CWF19L1: variants seen among roughly 807,000 people sequenced by gnomAD.
CWF19L1 encodes the protein CWF19-like protein 1.
Under a neutral mutation model 69.7 loss-of-function variants are expected in CWF19L1, and 60 were observed. The observed-to-expected ratio is 0.86, with a 90% CI of 0.70 to 1.07. CWF19L1 has a LOEUF of 1.07. Among genes scored for constraint, CWF19L1 ranks in the 50% least tolerant of loss-of-function variants. The pLI, the probability that CWF19L1 is intolerant of heterozygous loss-of-function variation, is 0.00. For synonymous variants in CWF19L1, 209 were observed against 222.2 expected (o/e 0.94, Z 0.53); for missense variants, 591 against 638.9 (o/e 0.92, Z 0.81).
At chr10:100,245,686 T>C in intron 9 of CWF19L1, 113 bp downstream of exon 9, 1 of 753,914 alleles carries the variant, frequency 1.3e-6, no homozygotes, top group South Asian at 1.7e-5. Flanking sequence ...TAATGACTCA[T>C]TGCACAATTC....
At chr10:100,258,212 T>A (rs1199197441) in intron 4 of CWF19L1, among the ~76,000 whole-genome samples, 1 of 152,212 alleles carries the variant, frequency 6.6e-6, no homozygotes, top group Non-Finnish European at 1.5e-5. Flanking sequence ...CAATTCAGTC[T>A]GGGCAACAAG....
chr10:100,236,104 T>A, intron 12 of CWF19L1, among the ~76,000 whole-genome samples: 1 of 145,558 alleles, frequency 6.9e-6, no homozygotes, highest in East Asian at 1.9e-4. Flanking sequence ...ACTGCCTCTT[T>A]TTTTTTTTTT....
intron 13 of CWF19L1, among the ~76,000 whole-genome samples, chr10:100,234,168 TAAATAGA>T (rs1189352566): frequency 6.6e-6 from 1 of 152,164 alleles, no homozygotes; most frequent in African/African-American, 2.4e-5. Flanking sequence ...GAAGTTACAG[TAAATAGA>T]AGAGTTAGAA....
chr10:100,234,483 G>A (rs560334599), intron 13 of CWF19L1, among the ~76,000 whole-genome samples: 2 of 152,168 alleles, frequency 1.3e-5, no homozygotes, highest in Admixed American at 6.5e-5. Context: ...GTTCATAACC[G>A]CATCTGTTGC....
intron 10 of CWF19L1, among the ~76,000 whole-genome samples, chr10:100,238,997 A>AC (rs1216905263): frequency 3.2e-4 from 15 of 47,402 alleles, no homozygotes; most frequent in Non-Finnish European, 5.5e-4. Context: ...TCCCACCCCC[A>AC]CCCCCGAATA....
At chr10:100,245,480 C>A (rs190146376) in intron 9 of CWF19L1, among the ~76,000 whole-genome samples, 1 of 152,312 alleles carries the variant, frequency 6.6e-6, no homozygotes, top group East Asian at 1.9e-4. Context: ...ATAAAAGCAT[C>A]ACCCCTAGAG....
chr10:100,248,911 A>G, intron 7 of CWF19L1: 1 of 899,266 alleles, frequency 1.1e-6, no homozygotes, highest in Non-Finnish European at 1.9e-6. Context: ...GGGCGATTCC[A>G]AGGCAGCAGA....
At chr10:100,234,088 T>A (rs957298615) in intron 13 of CWF19L1, 5 of 152,196 alleles carry the variant, frequency 3.3e-5, no homozygotes, top group Admixed American at 2.6e-4. Flanking sequence ...GCTTTATATT[T>A]TTATTTTTAC....
chr10:100,233,285 G>A lies in CWF19L1; in HGVS notation c.1559C>T (p.Thr520Ile). The A allele has an allele frequency of 6.2e-7, 1 of 1,613,932 alleles. No individual in the cohort carries two copies. The highest frequency in any genetic ancestry group is 8.5e-7 in the Non-Finnish European group (1 of 1,179,948). Reference protein sequence around the residue: ...QCQISKEDEETLARRFRKDFE... With the variant: ...QCQISKEDEEILARRFRKDFE... ...GTCTTTCCGGAAGCGGCGAGCCAGG[G>A]TCTCCTCGTCTTCCTTGCTGATCTG... Residue 520 changes from threonine (T) to isoleucine (I), a missense_variant, in exon 14 of 14, where the codon ACC (threonine) becomes ATC (isoleucine). Thr to Ile is a moderately conservative substitution (Grantham distance 89). Transcript: ENST00000354105.
intron 5 of CWF19L1, chr10:100,254,146 A>C (rs1847133749): frequency 6.6e-6 from 1 of 151,448 alleles, no homozygotes. Context: ...CCCAAAGTGC[A>C]CGCGTGAGCC....
In CWF19L1 at chr10:100,238,129, C is replaced by A. The variant is rs775254252; in HGVS notation, c.1147G>T (p.Glu383Ter). 2 of 1,614,184 alleles carry A rather than the reference C, an allele frequency of 1.2e-6. No individual in the cohort carries two copies. The highest frequency in any genetic ancestry group is 1.7e-6 in the Non-Finnish European group (2 of 1,180,030). Residue 383 changes from glutamate (E) to a stop codon, truncating the protein, a stop_gained, in exon 11 of 14, where the codon GAA becomes TAA. Transcript: ENST00000354105. LOFTEE classifies it high-confidence loss of function. The part of the protein sequence containing the change: ...SVVELSAEVV[E>*]EVEKYKATLR... ...GTGGCCTTATACTTCTCCACCTCTT[C>A]TACCACCTCTGCTGAAAGCTCCACC... is the stretch of plus-strand genomic sequence containing the variant.
chr10:100,245,079 A>T (rs1273724785), intron 9 of CWF19L1, among the ~76,000 whole-genome samples: 1 of 147,188 alleles, frequency 6.8e-6, no homozygotes, highest in African/African-American at 2.5e-5. Context: ...CTGGAGTGCA[A>T]TGGCATCATC....
rs774254032 is a variant in CWF19L1, at chr10:100,238,243, G to A, written c.1045-12C>T. On this transcript the variant is annotated splice_polypyrimidine_tract_variant and intron_variant, in intron 10 of 13. Coordinates refer to ENST00000354105, the MANE Select transcript of CWF19L1 (RefSeq NM_018294.6). The stretch of plus-strand genomic sequence containing the variant: ...AGGGCAAGGTAGCACTGAAGAAGCA[G>A]CACACAGAATTGAGACATCAATACA... The A allele has an allele frequency of 3.1e-6, 5 of 1,613,294 alleles. No homozygotes were observed. Among genetic ancestry groups the A allele is most frequent in the Middle Eastern group, 3.3e-4 (2 of 6,040 alleles).
chr10:100,267,501 C>A, intron 1 of CWF19L1, 70 bp downstream of exon 1: 1 of 1,613,428 alleles, frequency 6.2e-7, no homozygotes, highest in Non-Finnish European at 8.5e-7. Flanking sequence ...GGGAAAGACT[C>A]CCGCCCGTGT....
intron 3 of CWF19L1, 145 bp downstream of exon 3, chr10:100,260,821 T>G (rs1423721813): frequency 1.2e-5 from 7 of 604,348 alleles, no homozygotes; most frequent in African/African-American, 1.9e-5. Context: ...CTGCGCCGGA[T>G]AGTCTTAATA....
At chr10:100,265,220 T>C (rs571697455) in intron 1 of CWF19L1, among the ~76,000 whole-genome samples, 1 of 151,654 alleles carries the variant, frequency 6.6e-6, no homozygotes, top group Non-Finnish European at 1.5e-5. Context: ...AGCTGTACAA[T>C]GTGTTTTATG....
chr10:100,260,076 G>C, intron 4 of CWF19L1, 142 bp downstream of exon 4: 1 of 572,192 alleles, frequency 1.7e-6, no homozygotes, highest in Non-Finnish European at 3.1e-6. Flanking sequence ...GCTGAGGCAG[G>C]AGAATCACTT....
Position 100,260,238 on chromosome 10 carries a change from G to A in CWF19L1, c.269C>T (p.Ala90Val), listed in dbSNP as rs1847353435. 3.1e-6 allele frequency: 5 copies of A among 1,607,354 alleles called. No individual in the cohort carries two copies. The South Asian group carries it at 5.5e-5, about 18-fold the overall frequency. The change falls in exon 4 of 14, where the codon GCT becomes GTT. Residue 90 changes from alanine (A) to valine (V), a missense_variant. By Grantham distance (64) the Ala-to-Val change is moderately conservative (BLOSUM62 0). Around this residue, in one of 3 missense-constraint regions of CWF19L1, gnomAD observed 129 missense variants for 131.3 expected, o/e 0.98. Transcript: ENST00000354105. ...YFQDADGCEL[A>V]ENITYLGRKG... is the part of the protein sequence containing the mutation. ...CTTACCCAGATAAGTAATGTTTTCA[G>A]CTAATTCACATCCATCAGCATCCTG...
rs145798592 is a variant in CWF19L1 at position 100,256,261 on chromosome 10, C to A, written c.504+1G>T. 5 of 1,612,754 alleles carry A rather than the reference C, an allele frequency of 3.1e-6. No homozygotes were observed. The Admixed American group carries it at 8.3e-5, about 27-fold the overall frequency. ...ATTCCAACTAAACAAACACTACTCACAGAAGAATTCCCAAAGTTCCCCACA... is the reference window on the plus strand; with the variant it reads ...ATTCCAACTAAACAAACACTACTCAAAGAAGAATTCCCAAAGTTCCCCACA... On this transcript the variant is annotated splice_donor_variant, in intron 5 of 13. Transcript: ENST00000354105. LOFTEE classifies it high-confidence loss of function.
Sources: allele counts gnomAD v4.1 joint callset (sites outside exome capture counted in the v4.1 genomes callset), GRCh38; gene constraint gnomAD v4.1.1; regional missense constraint gnomAD v4.1.1; transcripts MANE v1.5; gene names NCBI Gene and HGNC (gene_info 2026-07-23, HGNC 2026-07-21).